The following MAP4 variants were observed in gnomAD, a reference collection of about 807,000 sequenced individuals.
MAP4 encodes the protein microtubule associated protein 4.
Under a neutral mutation model 170.2 loss-of-function variants are expected in MAP4, and 76 were observed. That is an observed-to-expected ratio of 0.45 (90% CI 0.37 to 0.54). The LOEUF is 0.54. MAP4 is among the 20% of genes least tolerant of loss of function. The pLI is 0.00. For synonymous variants in MAP4, 909 were observed against 994.5 expected, an observed-to-expected ratio of 0.91 and a Z score of 1.62; for missense variants, 2,506 against 2,748.0, an observed-to-expected ratio of 0.91 and a Z score of 1.97.
chr3:47,939,714 T>G lies in MAP4; in HGVS notation c.293-11364A>C, dbSNP rs867242776. On this transcript the variant is annotated intron_variant, in intron 3 of 20. Transcript: ENST00000683076. ...TAAGAAACTGTAAAGAAATAGTTTT[T>G]TTTTTTTTTTTAAACAACCACCTCT... 9.2e-5 allele frequency among the ~76,000 whole-genome samples: 14 copies of G among 152,198 alleles called. No individual in the cohort carries two copies. In the South Asian group the frequency reaches 1.9e-3, roughly 20 times the overall value.
At chr3:47,877,085 T>C (rs1192228377) in intron 11 of MAP4, 2 of 184,468 alleles carry the variant, frequency 1.1e-5, no homozygotes, top group Non-Finnish European at 2.3e-5. Context: ...TTTCACCATG[T>C]TGGTCAGGAT....
chr3:48,027,798 A>T (rs909220996), intron 1 of MAP4, among the ~76,000 whole-genome samples: 1 of 152,176 alleles, frequency 6.6e-6, no homozygotes, highest in Non-Finnish European at 1.5e-5. Context: ...TGATTGCGGA[A>T]CTGCACCTCA....
At chr3:47,963,987 C>G (rs1015400266) in intron 3 of MAP4, among the ~76,000 whole-genome samples, 1 of 152,198 alleles carries the variant, frequency 6.6e-6, no homozygotes, top group African/African-American at 2.4e-5. Context: ...TGCTAGTGCT[C>G]AGAGCTCAAG....
At chr3:47,980,128 T>C (rs2100084627) in intron 2 of MAP4, among the ~76,000 whole-genome samples, 1 of 152,204 alleles carries the variant, frequency 6.6e-6, no homozygotes. Context: ...TCACTGCGCC[T>C]GGCCTTGTTT....
At chr3:47,951,449 G>A (rs2100063752) in intron 3 of MAP4, among the ~76,000 whole-genome samples, 1 of 152,088 alleles carries the variant, frequency 6.6e-6, no homozygotes. Context: ...CAACCTCCCT[G>A]CCTGATTCTC....
intron 1 of MAP4, among the ~76,000 whole-genome samples, chr3:48,022,277 G>T (rs1037175788): frequency 4.6e-5 from 7 of 152,074 alleles, no homozygotes; most frequent in Admixed American, 2.0e-4. Context: ...AGACAATGGA[G>T]AGAGTAGAGA....
chr3:48,017,440 G>C (rs2100108323), upstream of MAP4, among the ~76,000 whole-genome samples: 1 of 151,344 alleles, frequency 6.6e-6, no homozygotes, highest in South Asian at 2.1e-4. Flanking sequence ...CATTCCACCT[G>C]ATCTTTAAAG....
intron 2 of MAP4, among the ~76,000 whole-genome samples, chr3:47,994,160 T>G (rs576080989): frequency 7.2e-5 from 11 of 152,190 alleles, no homozygotes; most frequent in Admixed American, 5.2e-4. Flanking sequence ...CATTTAATAA[T>G]GTAAAAAAGC....
intron 2 of MAP4, among the ~76,000 whole-genome samples, chr3:47,978,164 G>A (rs563900320): frequency 6.6e-6 from 1 of 152,220 alleles, no homozygotes; most frequent in South Asian, 2.1e-4. Context: ...CCATAGGAGA[G>A]CCCCTCATAA....
chr3:47,970,147 T>C (rs564907284), intron 3 of MAP4, among the ~76,000 whole-genome samples: 1 of 152,282 alleles, frequency 6.6e-6, no homozygotes, highest in South Asian at 2.1e-4. Flanking sequence ...CTTGCCTCAA[T>C]ATGGATTTTC....
intron 3 of MAP4, among the ~76,000 whole-genome samples, chr3:47,956,247 G>C (rs2100067756): frequency 6.6e-6 from 1 of 152,154 alleles, no homozygotes; most frequent in African/African-American, 2.4e-5. Flanking sequence ...TCAGCATTGA[G>C]TTCTGTTGCA....
Position 47,976,222 on chromosome 3 carries a change from A to G in MAP4, c.292+1643T>C, listed in dbSNP as rs113994898. Among the ~76,000 whole-genome samples the G allele has an allele frequency of 4.0e-3, 614 of 152,368 alleles. 6 individuals are homozygous for G. Among genetic ancestry groups the G allele is most frequent in the African/African-American group, 0.014 (595 of 41,590 alleles). On this transcript the variant is annotated intron_variant, in intron 3 of 20. Coordinates refer to ENST00000683076, the MANE Select transcript of MAP4 (RefSeq NM_001385682.1). ...CTCTCATAATGCCACTGGGTAGTTC[A>G]TAAAGAGCCAGGTTCTTTTTTGTCA...
In MAP4 at chr3:47,910,712, C is replaced by T; in HGVS notation, c.3709G>A (p.Glu1237Lys). The change falls in exon 9 of 21, where the codon GAA (glutamate) becomes AAA (lysine). Residue 1237 changes from glutamate to lysine, a missense_variant. Glu to Lys is a moderately conservative substitution (Grantham distance 56, BLOSUM62 1). Coordinates refer to ENST00000683076, the MANE Select transcript of MAP4 (RefSeq NM_001385682.1). ...TQPARMERKE[E>K]ILNPPFEGKD... ...CCTTCAAAAGGTGGGTTAAGGATTT[C>T]TTCCTTCCTCTCCATTCTAGCAGGC... 2 of 1,527,518 alleles carry T rather than the reference C, an allele frequency of 1.3e-6. No homozygotes were observed. Among genetic ancestry groups the T allele is most frequent in the Non-Finnish European group, 1.8e-6 (2 of 1,139,326 alleles). 94.6% of individuals were successfully genotyped at this position (1,527,518 alleles called of 1,614,324 possible). A position where few individuals can be genotyped will look rare whatever the true frequency, so the allele number is the denominator to read the frequency against.
Position 47,881,485 on chromosome 3 carries a change from T to TGC in MAP4, c.5435-3963_5435-3962insGC, listed in dbSNP as rs1342864357. ...ATATATATATATATATATATATATA[T>TGC]ATATATATATATGCATAATCATTAT... On this transcript the variant is annotated intron_variant, in intron 10 of 20. Transcript: ENST00000683076. Among the ~76,000 whole-genome samples the TGC allele has an allele frequency of 6.5e-5, 6 of 92,802 alleles. No homozygotes were observed. In the East Asian group the frequency reaches 2.3e-3, roughly 36 times the overall value. The allele number at this position is 92,802 out of a possible 152,430, so 60.9% of individuals were successfully genotyped here. A position where few individuals can be genotyped will look rare whatever the true frequency, so the allele number is the denominator to read the frequency against.
intron 10 of MAP4, among the ~76,000 whole-genome samples, chr3:47,887,548 C>T (rs1003747331): frequency 2.0e-5 from 3 of 152,252 alleles, no homozygotes; most frequent in East Asian, 1.9e-4. Flanking sequence ...CCCTGCTCCA[C>T]GGCGCCCAGT....
Position 47,867,192 on chromosome 3 carries a change from A to G in MAP4, c.6501+54T>C, listed in dbSNP as rs146757976. 4.6e-4 allele frequency: 587 copies of G among 1,273,550 alleles called. 4 individuals are homozygous for G. The East Asian group carries it at 9.3e-3, about 20-fold the overall frequency. The allele number at this position is 1,273,550 out of a possible 1,614,324, so 78.9% of individuals were successfully genotyped here. A position where few individuals can be genotyped will look rare whatever the true frequency, so the allele number is the denominator to read the frequency against. ...ATGGGCACCTGGCTCTCTCCCTAGT[A>G]TACCCCACAGTGGGCTATATCTCAG... On this transcript the variant is annotated intron_variant, in intron 17 of 20. Transcript: ENST00000683076.
intron 2 of MAP4, among the ~76,000 whole-genome samples, chr3:47,984,104 T>C (rs992916909): frequency 2.0e-5 from 3 of 151,882 alleles, no homozygotes; most frequent in African/African-American, 7.3e-5. Flanking sequence ...TCTCCCTGCC[T>C]TTCCTCCTGC....
At chr3:47,901,539 G>A (rs555484891) in intron 10 of MAP4, among the ~76,000 whole-genome samples, 3 of 152,048 alleles carry the variant, frequency 2.0e-5, no homozygotes, top group Admixed American at 1.3e-4. Flanking sequence ...AGCCGGGCAC[G>A]GAGGCACGCA....
At chr3:47,874,324 C>T (rs1360175872) in intron 12 of MAP4, among the ~76,000 whole-genome samples, 1 of 152,030 alleles carries the variant, frequency 6.6e-6, no homozygotes. Flanking sequence ...AAAAAATTAG[C>T]CAGGCGTGGT....
Sources: allele counts gnomAD v4.1 joint callset (sites outside exome capture counted in the v4.1 genomes callset), GRCh38; gene constraint gnomAD v4.1.1; transcripts MANE v1.5; gene names NCBI Gene and HGNC (gene_info 2026-07-23, HGNC 2026-07-21).